KANK1: variants seen among roughly 807,000 people sequenced by gnomAD.
KANK1 encodes the protein KN motif and ankyrin repeat domain-containing protein 1.
In KANK1, 109 loss-of-function variants were observed where a neutral mutation model predicts 106.2. The observed-to-expected ratio is 1.03, with a 90% CI of 0.88 to 1.20. KANK1 has a LOEUF of 1.20. Ranked by LOEUF, KANK1 falls within the 50% of genes most tolerant of loss-of-function variation. KANK1 has a pLI of 0.00. For missense variants in KANK1, 2,399 were observed against 1,710.7 expected, an observed-to-expected ratio of 1.40 and a Z score of -7.10; for synonymous variants, 873 against 652.2, an observed-to-expected ratio of 1.34 and a Z score of -5.16.
At chr9:584,529 T>A (rs1822976615) in intron 1 of KANK1, among the ~76,000 whole-genome samples, 1 of 152,224 alleles carries the variant, frequency 6.6e-6, no homozygotes, top group African/African-American at 2.4e-5. Flanking sequence ...TAGACTTCTG[T>A]TCTGTTGATT....
At chr9:613,332 T>A (rs10975407) in intron 1 of KANK1, among the ~76,000 whole-genome samples, 172 of 150,942 alleles carry the variant, frequency 1.1e-3, no homozygotes, top group African/African-American at 4.1e-3. Flanking sequence ...TAACAATCGT[T>A]GCTGGAGATA....
intron 1 of KANK1, among the ~76,000 whole-genome samples, chr9:676,055 A>G (rs1816352359): frequency 6.6e-6 from 1 of 152,192 alleles, no homozygotes; most frequent in South Asian, 2.1e-4. Context: ...AGCAGTGAGA[A>G]TGACCAGAGA....
At chr9:624,012 TGTG>T (rs1833794559) in intron 1 of KANK1, among the ~76,000 whole-genome samples, 1 of 152,062 alleles carries the variant, frequency 6.6e-6, no homozygotes, top group South Asian at 2.1e-4. Flanking sequence ...TTAAAGAAAA[TGTG>T]GTATATATAT....
intron 3 of KANK1, among the ~76,000 whole-genome samples, chr9:481,729 C>T (rs1202597188): frequency 1.3e-5 from 2 of 152,012 alleles, no homozygotes; most frequent in Admixed American, 6.6e-5. Flanking sequence ...GACATAGTGG[C>T]TCACACCTCG....
At chr9:666,706 T>A (rs1844666755) in intron 1 of KANK1, among the ~76,000 whole-genome samples, 1 of 152,138 alleles carries the variant, frequency 6.6e-6, no homozygotes, top group Admixed American at 6.5e-5. Context: ...GATCATATGG[T>A]TTTTGTTCTT....
chr9:689,751 G>A (rs1269720272), intron 2 of KANK1, among the ~76,000 whole-genome samples: 1 of 152,102 alleles, frequency 6.6e-6, no homozygotes, highest in African/African-American at 2.4e-5. Context: ...GGTTAAAGCA[G>A]CACAATACAG....
At chr9:529,240 C>CAG (rs2059946287) in intron 1 of KANK1, among the ~76,000 whole-genome samples, 1 of 151,044 alleles carries the variant, frequency 6.6e-6, no homozygotes, top group Admixed American at 6.6e-5. Flanking sequence ...TATATACACA[C>CAG]ACACACACAC....
At chr9:741,687 C>T (rs973360754) in intron 9 of KANK1, among the ~76,000 whole-genome samples, 2 of 151,950 alleles carry the variant, frequency 1.3e-5, no homozygotes, top group Admixed American at 6.6e-5. Context: ...CAAGGTTTCA[C>T]CGTGTTAGCC....
intron 1 of KANK1, among the ~76,000 whole-genome samples, chr9:671,558 G>A (rs560702295): frequency 7.5e-6 from 1 of 132,532 alleles, no homozygotes; most frequent in South Asian, 2.5e-4. Context: ...GGAGCTTGCA[G>A]CGTGCCGAGA....
chr9:490,448 G>A (rs1287635784), intron 3 of KANK1, among the ~76,000 whole-genome samples: 3 of 152,210 alleles, frequency 2.0e-5, no homozygotes, highest in African/African-American at 4.8e-5. Flanking sequence ...GGTTGAAGCT[G>A]CAGTGAGCCA....
chr9:599,546 T>A (rs1280298821), intron 1 of KANK1, among the ~76,000 whole-genome samples: 2 of 151,852 alleles, frequency 1.3e-5, no homozygotes, highest in East Asian at 3.8e-4. Flanking sequence ...AATTATAGAT[T>A]GTGTCTTTCT....
chr9:707,536 G>T (rs61366701), intron 2 of KANK1, among the ~76,000 whole-genome samples: 28 of 55,130 alleles, frequency 5.1e-4, no homozygotes, highest in Non-Finnish European at 6.0e-4. Context: ...GTTTCAGACA[G>T]TCCTGGAGAC....
chr9:512,626 T>C (rs2059085401), intron 1 of KANK1, among the ~76,000 whole-genome samples: 1 of 152,132 alleles, frequency 6.6e-6, no homozygotes, highest in African/African-American at 2.4e-5. Context: ...TTATGACATA[T>C]TATCAGAAGT....
At chr9:668,541 C>T (rs764009531) in intron 1 of KANK1, among the ~76,000 whole-genome samples, 1 of 152,210 alleles carries the variant, frequency 6.6e-6, no homozygotes, top group Non-Finnish European at 1.5e-5. Context: ...TGTTTTGTAA[C>T]TCTTCTCCTC....
intron 1 of KANK1, among the ~76,000 whole-genome samples, chr9:525,352 T>C (rs1237416648): frequency 2.1e-5 from 3 of 142,658 alleles, no homozygotes; most frequent in South Asian, 4.4e-4. Flanking sequence ...TATACATACG[T>C]GTGTGTGTGT....
At chr9:526,089 C>A (rs973441850) in intron 1 of KANK1, among the ~76,000 whole-genome samples, 5 of 150,470 alleles carry the variant, frequency 3.3e-5, no homozygotes, top group African/African-American at 1.2e-4. Flanking sequence ...TTGGAGAACA[C>A]AAAAGTAGGA....
At chr9:620,165 G>C (rs897525250) in intron 1 of KANK1, among the ~76,000 whole-genome samples, 3 of 151,868 alleles carry the variant, frequency 2.0e-5, no homozygotes, top group African/African-American at 7.3e-5. Flanking sequence ...TGTATTCTCA[G>C]TTGTCTATTT....
At chr9:562,731 A>G (rs1164088935) in intron 1 of KANK1, among the ~76,000 whole-genome samples, 1 of 152,206 alleles carries the variant, frequency 6.6e-6, no homozygotes, top group Non-Finnish European at 1.5e-5. Flanking sequence ...CAAGTTAGAC[A>G]ACCGATGCTA....
intron 2 of KANK1, among the ~76,000 whole-genome samples, chr9:681,613 A>G (rs1431779299): frequency 1.3e-5 from 2 of 152,184 alleles, no homozygotes; most frequent in African/African-American, 4.8e-5. Flanking sequence ...AGCTGTAAAA[A>G]CACTTTTTAA....
Sources: allele counts gnomAD v4.1 joint callset (sites outside exome capture counted in the v4.1 genomes callset), GRCh38; gene constraint gnomAD v4.1.1; transcripts MANE v1.5; gene names NCBI Gene and HGNC (gene_info 2026-07-23, HGNC 2026-07-21).